Variants in PLPPR1 observed in about 807,000 individuals in gnomAD.
PLPPR1 encodes the protein phospholipid phosphatase-related protein type 1.
A neutral mutation model predicts 33.1 loss-of-function variants in PLPPR1; 10 were observed. The ratio of observed to expected loss-of-function variants is 0.30; its 90% CI spans 0.19 to 0.51. The LOEUF (loss-of-function observed/expected upper bound fraction) is 0.51, where lower values mean the gene tolerates loss of function less well. Among genes scored for constraint, PLPPR1 ranks in the 20% least tolerant of loss-of-function variants. The pLI is 0.97. For synonymous variants in PLPPR1, 151 were observed against 151.0 expected (o/e 1.00, Z 0.00); for missense variants, 304 against 408.1 (o/e 0.74, Z 2.20).
At chr9:101,211,439 A>G (rs989132207) in intron 2 of PLPPR1, among the ~76,000 whole-genome samples, 3 of 152,246 alleles carry the variant, frequency 2.0e-5, no homozygotes, top group Admixed American at 1.3e-4. Flanking sequence ...AGTGACTGAG[A>G]TATCTAAGAC....
At chr9:101,086,028 A>C (rs551889909) in intron 1 of PLPPR1, among the ~76,000 whole-genome samples, 1 of 152,324 alleles carries the variant, frequency 6.6e-6, no homozygotes, top group South Asian at 2.1e-4. Flanking sequence ...GTTCCCTTCT[A>C]TTCCTAGTTT....
chr9:101,080,841 A>T (rs1258926781), intron 1 of PLPPR1, among the ~76,000 whole-genome samples: 2 of 152,156 alleles, frequency 1.3e-5, no homozygotes, highest in Non-Finnish European at 2.9e-5. Context: ...TTCTACTAAG[A>T]TGGAGAAAGA....
intron 1 of PLPPR1, among the ~76,000 whole-genome samples, chr9:101,046,859 A>G (rs1349643570): frequency 3.3e-5 from 5 of 152,090 alleles, no homozygotes; most frequent in Admixed American, 3.3e-4. Context: ...CCTTTTAATT[A>G]TTTTATTTTA....
At chr9:101,292,020 G>C (rs887067010) in intron 4 of PLPPR1, among the ~76,000 whole-genome samples, 3 of 152,000 alleles carry the variant, frequency 2.0e-5, no homozygotes, top group Non-Finnish European at 2.9e-5. Flanking sequence ...TCAAATCAAA[G>C]GCAAAGAAGT....
chr9:101,245,433 G>C (rs1449569006), intron 2 of PLPPR1, among the ~76,000 whole-genome samples: 1 of 151,818 alleles, frequency 6.6e-6, no homozygotes, highest in Non-Finnish European at 1.5e-5. Flanking sequence ...GAAAAATGTT[G>C]ACCTCTTTAG....
chr9:101,267,942 A>G (rs575581046), intron 2 of PLPPR1, among the ~76,000 whole-genome samples: 1 of 152,168 alleles, frequency 6.6e-6, no homozygotes, highest in East Asian at 1.9e-4. Flanking sequence ...TGATGAGTTC[A>G]TGTCCTTTGT....
chr9:101,109,890 T>G (rs1225885924), intron 1 of PLPPR1, among the ~76,000 whole-genome samples: 25 of 152,202 alleles, frequency 1.6e-4, no homozygotes, highest in Admixed American at 1.6e-3. Flanking sequence ...CTTTCAAAGT[T>G]ACTTTGAATT....
chr9:101,110,510 T>C (rs1425846400), intron 1 of PLPPR1, among the ~76,000 whole-genome samples: 1 of 152,186 alleles, frequency 6.6e-6, no homozygotes, highest in South Asian at 2.1e-4. Context: ...TATATCATTG[T>C]TTTTAATAGC....
At chr9:101,275,231 A>G (rs1828168534) in intron 3 of PLPPR1, among the ~76,000 whole-genome samples, 1 of 152,210 alleles carries the variant, frequency 6.6e-6, no homozygotes, top group Non-Finnish European at 1.5e-5. Context: ...TGCTCCCTCA[A>G]GCACATTGAC....
chr9:101,237,680 ATATATATATAGCC>A (rs1827333208), intron 2 of PLPPR1, among the ~76,000 whole-genome samples: 1 of 144,828 alleles, frequency 6.9e-6, no homozygotes, highest in African/African-American at 2.5e-5. Context: ...ATATATATAC[ATATATATATAGCC>A]TATATATATA....
At position 101,223,168 on chromosome 9, in the gene PLPPR1, AAAAAG is replaced by A. The variant is rs1411318110; in HGVS notation, c.63+37621_63+37625del. 4.8e-4 allele frequency among the ~76,000 whole-genome samples: 65 copies of A among 135,028 alleles called. 1 individual carries two copies. Among genetic ancestry groups the A allele is most frequent in the Middle Eastern group, 3.7e-3 (1 of 270 alleles). The allele number at this position is 135,028 out of a possible 152,430, so 88.6% of individuals were successfully genotyped here. A position where few individuals can be genotyped will look rare whatever the true frequency, so the allele number is the denominator to read the frequency against. On this transcript the variant is annotated intron_variant, in intron 2 of 7. Transcript: ENST00000374874. ...CTCTACAAAAAAAAAAAAAAAAAAA[AAAAAG>A]AAAAGAAAAATTTTTAGCTGGGCAC...
intron 2 of PLPPR1, among the ~76,000 whole-genome samples, chr9:101,266,416 G>T (rs1328892673): frequency 1.9e-5 from 2 of 105,396 alleles, no homozygotes; most frequent in African/African-American, 3.5e-5. Flanking sequence ...AAGAAAGAAA[G>T]AAAGAAAGAA....
intron 2 of PLPPR1, among the ~76,000 whole-genome samples, chr9:101,213,510 G>A (rs888967650): frequency 1.3e-5 from 2 of 152,104 alleles, no homozygotes; most frequent in African/African-American, 2.4e-5. Flanking sequence ...ATTTTTCAAT[G>A]TCAACTTTAT....
intron 1 of PLPPR1, among the ~76,000 whole-genome samples, chr9:101,051,419 T>C (rs76556916): frequency 1.1e-3 from 175 of 152,238 alleles, no homozygotes; most frequent in Non-Finnish European, 2.1e-3. Context: ...TATCCTCCAA[T>C]AGTAAGCCCC....
intron 4 of PLPPR1, among the ~76,000 whole-genome samples, chr9:101,296,754 C>T (rs1828650448): frequency 1.3e-5 from 2 of 151,672 alleles, no homozygotes; most frequent in African/African-American, 4.9e-5. Flanking sequence ...AATGAGAACA[C>T]ATGGACACAG....
intron 2 of PLPPR1, among the ~76,000 whole-genome samples, chr9:101,197,102 G>A (rs1024520548): frequency 3.3e-5 from 5 of 152,122 alleles, no homozygotes; most frequent in African/African-American, 1.2e-4. Flanking sequence ...GCCAGGTTGA[G>A]CCTGAGATTT....
chr9:101,318,369 C>T (rs963428395), intron 7 of PLPPR1, among the ~76,000 whole-genome samples: 2 of 152,330 alleles, frequency 1.3e-5, no homozygotes, highest in African/African-American at 4.8e-5. Flanking sequence ...ATATGAAGCA[C>T]TTAATTTTTC....
At chr9:101,159,579 C>T (rs1020522093) in intron 1 of PLPPR1, among the ~76,000 whole-genome samples, 2 of 152,144 alleles carry the variant, frequency 1.3e-5, no homozygotes, top group Non-Finnish European at 2.9e-5. Context: ...AAACTCAGCA[C>T]TTACACTACT....
chr9:101,077,406 CTTTGT>C (rs1303821834), intron 1 of PLPPR1, among the ~76,000 whole-genome samples: 1 of 152,158 alleles, frequency 6.6e-6, no homozygotes, highest in Non-Finnish European at 1.5e-5. Flanking sequence ...CCTTTGTTTT[CTTTGT>C]TTTCTTTTTT....
Sources: allele counts gnomAD v4.1 joint callset (sites outside exome capture counted in the v4.1 genomes callset), GRCh38; gene constraint gnomAD v4.1.1; transcripts MANE v1.5; gene names NCBI Gene and HGNC (gene_info 2026-07-23, HGNC 2026-07-21).